TAFA2: variants seen among roughly 807,000 people sequenced by gnomAD.
TAFA2 encodes chemokine-like protein TAFA-2.
In TAFA2, 7 loss-of-function variants were observed where a neutral mutation model predicts 18.8. The ratio of observed to expected loss-of-function variants is 0.37; its 90% CI spans 0.21 to 0.70. TAFA2 has a LOEUF of 0.70. TAFA2 is among the 30% of genes least tolerant of loss of function. TAFA2 has a pLI of 0.53. For synonymous variants in TAFA2, 60 were observed against 54.2 expected, an observed-to-expected ratio of 1.11 and a Z score of -0.47; for missense variants, 122 against 158.1, an observed-to-expected ratio of 0.77 and a Z score of 1.23.
chr12:61,916,581 T>A (rs954517555), intron 1 of TAFA2, among the ~76,000 whole-genome samples: 1 of 152,350 alleles, frequency 6.6e-6, no homozygotes, highest in Non-Finnish European at 1.5e-5. Flanking sequence ...AGACCCTCTA[T>A]TGCCTGTTAC....
chr12:61,729,582 T>A (rs1870341365), intron 4 of TAFA2, among the ~76,000 whole-genome samples: 1 of 152,114 alleles, frequency 6.6e-6, no homozygotes, highest in African/African-American at 2.4e-5. Flanking sequence ...GTGATTGTTT[T>A]TTATTTATGA....
At chr12:61,920,776 T>C (rs192362013) in intron 1 of TAFA2, among the ~76,000 whole-genome samples, 1 of 152,034 alleles carries the variant, frequency 6.6e-6, no homozygotes, top group East Asian at 1.9e-4. Context: ...CTATGCTACA[T>C]ACAATGTACA....
intron 1 of TAFA2, among the ~76,000 whole-genome samples, chr12:61,898,323 C>G (rs996024487): frequency 2.0e-5 from 3 of 152,230 alleles, no homozygotes; most frequent in African/African-American, 7.2e-5. Context: ...CACAGCTCCA[C>G]TAGGCAGTGC....
chr12:62,018,457 T>C (rs1881011829), intron 1 of TAFA2, among the ~76,000 whole-genome samples: 1 of 152,014 alleles, frequency 6.6e-6, no homozygotes, highest in African/African-American at 2.4e-5. Context: ...CAACTAAACT[T>C]AAAATTAATA....
chr12:61,901,543 TG>T (rs1876101037), intron 1 of TAFA2, among the ~76,000 whole-genome samples: 1 of 152,096 alleles, frequency 6.6e-6, no homozygotes, highest in South Asian at 2.1e-4. Context: ...AACAAATATA[TG>T]GTACTTCTAT....
chr12:62,130,746 A>G (rs1180794035), intron 1 of TAFA2, among the ~76,000 whole-genome samples: 2 of 152,050 alleles, frequency 1.3e-5, no homozygotes, highest in African/African-American at 2.4e-5. Flanking sequence ...ACTGACCCAT[A>G]TTTGATCTGT....
intron 2 of TAFA2, among the ~76,000 whole-genome samples, chr12:61,824,147 T>C (rs1281298630): frequency 1.3e-5 from 2 of 152,176 alleles, no homozygotes; most frequent in Non-Finnish European, 2.9e-5. Flanking sequence ...CTCCAGGAGC[T>C]GAGAGAAATC....
chr12:61,836,104 G>T (rs1468409814), intron 2 of TAFA2, among the ~76,000 whole-genome samples: 1 of 151,818 alleles, frequency 6.6e-6, no homozygotes, highest in South Asian at 2.1e-4. Context: ...TTAACTACTT[G>T]CTCCTACTGG....
intron 2 of TAFA2, among the ~76,000 whole-genome samples, chr12:61,848,916 A>G (rs1873522057): frequency 6.6e-6 from 1 of 150,386 alleles, no homozygotes; most frequent in Admixed American, 6.6e-5. Flanking sequence ...TTCTCAGCTC[A>G]CTGCAACCTC....
At chr12:62,243,432 A>C (rs2062871625) in intron 1 of TAFA2, among the ~76,000 whole-genome samples, 1 of 152,146 alleles carries the variant, frequency 6.6e-6, no homozygotes, top group Non-Finnish European at 1.5e-5. Flanking sequence ...AAATGAAGTA[A>C]TTTTTTAAAA....
intron 1 of TAFA2, among the ~76,000 whole-genome samples, chr12:62,228,229 A>G (rs1355185618): frequency 6.6e-6 from 1 of 151,856 alleles, no homozygotes; most frequent in Non-Finnish European, 1.5e-5. Flanking sequence ...GTTTCCATCT[A>G]TGTGTCCATG....
intron 1 of TAFA2, among the ~76,000 whole-genome samples, chr12:61,918,745 T>G (rs758448757): frequency 6.6e-6 from 1 of 152,198 alleles, no homozygotes. Context: ...TGAAGAACCA[T>G]GCTTATTTAA....
Position 61,882,287 on chromosome 12 carries a change from T to C in TAFA2, c.-1-14861A>G, listed in dbSNP as rs1314974745. Among the ~76,000 whole-genome samples, 3 of 152,128 alleles carry C rather than the reference T, an allele frequency of 2.0e-5. 1 individual carries two copies. The highest frequency in any genetic ancestry group is 4.4e-5 in the Non-Finnish European group (3 of 68,014). ...AAAAGGACCTACTGAAAAACAGATG[T>C]CTTGAGCTAGAAGTAGCAATCACAG... On this transcript the variant is annotated intron_variant, in intron 1 of 4. Coordinates refer to ENST00000416284, the MANE Select transcript of TAFA2 (RefSeq NM_178539.5).
intron 2 of TAFA2, among the ~76,000 whole-genome samples, chr12:61,784,718 A>C (rs987632166): frequency 5.4e-5 from 8 of 148,866 alleles, no homozygotes; most frequent in African/African-American, 1.5e-4. Flanking sequence ...AAAAAAGTTT[A>C]TTTCAAATTT....
chr12:61,789,896 T>C (rs756745358), intron 2 of TAFA2, among the ~76,000 whole-genome samples: 2 of 151,554 alleles, frequency 1.3e-5, no homozygotes, highest in Non-Finnish European at 1.5e-5. Flanking sequence ...ATCAAAACTA[T>C]ACAAGGATGC....
At chr12:61,739,111 T>G (rs893077880) in intron 4 of TAFA2, among the ~76,000 whole-genome samples, 6 of 152,050 alleles carry the variant, frequency 3.9e-5, no homozygotes, top group Non-Finnish European at 7.4e-5. Flanking sequence ...TGTCATCATC[T>G]CCCAGATGTG....
intron 1 of TAFA2, among the ~76,000 whole-genome samples, chr12:61,993,428 A>G (rs1221092354): frequency 6.6e-6 from 1 of 152,196 alleles, no homozygotes; most frequent in Non-Finnish European, 1.5e-5. Flanking sequence ...GGGCTTTACT[A>G]TAGAACCTAT....
At chr12:61,887,908 T>A (rs1003456974) in intron 1 of TAFA2, among the ~76,000 whole-genome samples, 12 of 152,122 alleles carry the variant, frequency 7.9e-5, no homozygotes, top group African/African-American at 2.7e-4. Flanking sequence ...TGTGCATGTA[T>A]CTTTATAGAA....
In TAFA2 at chr12:61,996,161, T is replaced by C. The variant is rs1290488014; in HGVS notation, c.-1-128735A>G. Reference sequence around the variant, plus strand: ...GGCAGTCAAATAATAAAGAAGTATTTATTCAACACTTGCTATATACAGTGC... The same window carrying C: ...GGCAGTCAAATAATAAAGAAGTATTCATTCAACACTTGCTATATACAGTGC... On this transcript the variant is annotated intron_variant, in intron 1 of 4. Coordinates refer to ENST00000416284, the MANE Select transcript of TAFA2 (RefSeq NM_178539.5). Among the ~76,000 whole-genome samples the C allele has an allele frequency of 3.9e-5, 6 of 152,272 alleles. 1 individual carries two copies. Among genetic ancestry groups the C allele is most frequent in the African/African-American group, 1.4e-4 (6 of 41,562 alleles).
Sources: gnomAD v4.1 joint callset for allele counts (sites outside exome capture counted in the v4.1 genomes callset) on GRCh38, gnomAD v4.1.1 for gene constraint, MANE v1.5 for transcripts, NCBI Gene and HGNC (gene_info 2026-07-23, HGNC 2026-07-21) for gene names.